MTERF3: variants seen among roughly 807,000 people sequenced by gnomAD.
MTERF3 encodes mitochondrial transcription termination factor 3.
MTERF3 carries 40 observed loss-of-function variants against 40.5 expected under a neutral mutation model. The ratio of observed to expected loss-of-function variants is 0.99; its 90% CI spans 0.77 to 1.29. The LOEUF is 1.29. Among genes scored for constraint, MTERF3 ranks in the 50% most tolerant of loss-of-function variants. The pLI, the probability that MTERF3 is intolerant of heterozygous loss-of-function variation, is 0.00. For missense variants in MTERF3, 452 were observed against 478.2 expected, an observed-to-expected ratio of 0.95 and a Z score of 0.51; for synonymous variants, 158 against 166.6, an observed-to-expected ratio of 0.95 and a Z score of 0.40.
intron 5 of MTERF3, 85 bp from the exon 6 acceptor site, chr8:96,246,016 A>G: frequency 7.9e-7 from 1 of 1,262,222 alleles, no homozygotes. Flanking sequence ...TAAGATACAA[A>G]GTTAAAACTT....
intron 1 of MTERF3, 129 bp from the exon 2 acceptor site, chr8:96,258,829 T>C (rs1403860323): frequency 2.9e-6 from 2 of 690,464 alleles, no homozygotes; most frequent in Non-Finnish European, 4.6e-6. Flanking sequence ...TTTAAATATA[T>C]ATTTAGTCTA....
chr8:96,259,907 A>ATTTTTTTT (rs1408186730), intron 1 of MTERF3, among the ~76,000 whole-genome samples: 3 of 150,576 alleles, frequency 2.0e-5, no homozygotes, highest in African/African-American at 7.4e-5. Context: ...TATTATTATT[A>ATTTTTTTT]TTATTATTTT....
intron 3 of MTERF3, among the ~76,000 whole-genome samples, chr8:96,252,189 C>T (rs577557738): frequency 7.9e-5 from 12 of 152,258 alleles, no homozygotes; most frequent in East Asian, 1.9e-4. Context: ...TGCCCAGTCT[C>T]GGGTATGTCT....
chr8:96,244,338 A>T (rs2129879273), intron 6 of MTERF3, among the ~76,000 whole-genome samples: 1 of 151,966 alleles, frequency 6.6e-6, no homozygotes, highest in South Asian at 2.1e-4. Context: ...TGAACTCCTG[A>T]CCTCAAGTGA....
intron 7 of MTERF3, among the ~76,000 whole-genome samples, chr8:96,243,352 A>C (rs558149715): frequency 1.3e-5 from 2 of 152,380 alleles, no homozygotes; most frequent in South Asian, 4.1e-4. Context: ...GTGCCTACTT[A>C]GTGCCAGGTG....
At position 96,258,763 on chromosome 8, in the gene MTERF3, G is replaced by A. The variant is rs2319603; in HGVS notation, c.-10-63C>T. ...TTTAATTTACTTAAATGTTTAAAAC[G>A]GTATTCAAACAACAAAAAGATAAAC... On this transcript the variant is annotated intron_variant, in intron 1 of 7. Transcript: ENST00000287025. 0.46 allele frequency: 554,693 copies of A among 1,215,312 alleles called. 129,911 individuals carry two copies. Among genetic ancestry groups the A allele is most frequent in the African/African-American group, 0.54 (35,297 of 65,938 alleles). The allele number at this position is 1,215,312 out of a possible 1,614,324, so 75.3% of individuals were successfully genotyped here. A position where few individuals can be genotyped will look rare whatever the true frequency, so the allele number is the denominator to read the frequency against.
intron 6 of MTERF3, among the ~76,000 whole-genome samples, chr8:96,245,260 A>G (rs1586164253): frequency 1.3e-5 from 2 of 152,312 alleles, no homozygotes; most frequent in African/African-American, 2.4e-5. Context: ...CAGCCCTTAT[A>G]TAATATTTCA....
At chr8:96,250,694 AGGGGGGG>A (rs1810161635) in intron 4 of MTERF3, among the ~76,000 whole-genome samples, 26 of 17,220 alleles carry the variant, frequency 1.5e-3, no homozygotes, top group South Asian at 6.4e-3. Flanking sequence ...GAGGAGGAGG[AGGGGGGG>A]AGGGGGAGGG....
At chr8:96,246,013 C>T (rs1563545855) in intron 5 of MTERF3, 82 bp from the exon 6 acceptor site, 5 of 1,302,734 alleles carry the variant, frequency 3.8e-6, no homozygotes, top group South Asian at 1.3e-5. Flanking sequence ...TATTAAGATA[C>T]AAAGTTAAAA....
chr8:96,250,803 C>G, intron 4 of MTERF3, 103 bp downstream of exon 4: 3 of 1,097,006 alleles, frequency 2.7e-6, no homozygotes, highest in African/African-American at 1.7e-5. Flanking sequence ...TTCATGTTAT[C>G]TCAGTAGACC....
chr8:96,250,683 G>GACGAAGAA (rs1479466031), intron 4 of MTERF3, among the ~76,000 whole-genome samples: 1 of 58,926 alleles, frequency 1.7e-5, no homozygotes, highest in African/African-American at 6.8e-5. Flanking sequence ...AGAAGAAGAA[G>GACGAAGAA]GAGGAGGAGG....
Sources: allele counts gnomAD v4.1 joint callset (sites outside exome capture counted in the v4.1 genomes callset), GRCh38; gene constraint gnomAD v4.1.1; transcripts MANE v1.5; gene names NCBI Gene and HGNC (gene_info 2026-07-23, HGNC 2026-07-21).